C1QTNF3: variants seen among roughly 807,000 people sequenced by gnomAD.
The protein encoded by C1QTNF3 is complement C1q tumor necrosis factor-related protein 3.
In C1QTNF3, 26 loss-of-function variants were observed where a neutral mutation model predicts 32.6. The ratio of observed to expected loss-of-function variants is 0.80; its 90% confidence interval spans 0.58 to 1.11. The LOEUF is 1.11. Among genes scored for constraint, C1QTNF3 ranks in the 50% least tolerant of loss-of-function variants. The pLI is 0.00. For missense variants in C1QTNF3, 362 were observed against 398.2 expected (o/e 0.91, Z 0.77); for synonymous variants, 155 against 146.0 (o/e 1.06, Z -0.44).
chr5:34,216,637 G>A, the C1QTNF3 span, among the ~76,000 whole-genome samples: 7 of 152,246 alleles, frequency 4.6e-5, no homozygotes, highest in East Asian at 1.9e-4. Flanking sequence ...GAGGAGGTCC[G>A]TCTTGTTCAC....
the C1QTNF3 span, among the ~76,000 whole-genome samples, chr5:34,066,337 C>A: frequency 1.3e-5 from 2 of 152,182 alleles, no homozygotes; most frequent in African/African-American, 4.8e-5. Flanking sequence ...CCTTACCCTG[C>A]TCATGCCTGA....
the C1QTNF3 span, among the ~76,000 whole-genome samples, chr5:34,105,295 T>G: frequency 6.6e-6 from 1 of 152,144 alleles, no homozygotes; most frequent in Admixed American, 6.5e-5. Flanking sequence ...TATATGAGGA[T>G]AGAGCAATGC....
At chr5:34,081,127 G>T in the C1QTNF3 span, among the ~76,000 whole-genome samples, 8 of 151,724 alleles carry the variant, frequency 5.3e-5, no homozygotes, top group African/African-American at 1.9e-4. Flanking sequence ...TGGTAAAAAC[G>T]CTCTGTGATT....
chr5:34,170,215 C>T, the C1QTNF3 span, among the ~76,000 whole-genome samples: 3 of 152,066 alleles, frequency 2.0e-5, no homozygotes, highest in East Asian at 3.8e-4. Context: ...TCCACTTATA[C>T]GAGGTATCTG....
chr5:34,129,419 G>T, the C1QTNF3 span, among the ~76,000 whole-genome samples: 1 of 152,184 alleles, frequency 6.6e-6, no homozygotes, highest in Admixed American at 6.5e-5. Context: ...AGTTACCAGA[G>T]ATTTAGGAGT....
rs772976267 is a variant in C1QTNF3 at position 34,033,357 on chromosome 5, GC to G, written c.516del (p.Gln173SerfsTer52). The G allele has an allele frequency of 1.9e-6, 3 of 1,613,686 alleles. No homozygotes were observed. Among genetic ancestry groups the G allele is most frequent in the South Asian group, 2.2e-5 (2 of 91,034 alleles). On this transcript the variant is annotated frameshift_variant, in exon 3 of 6. Coordinates refer to ENST00000382065, the MANE Select transcript of C1QTNF3 (RefSeq NM_181435.6). LOFTEE classifies it high-confidence loss of function. ...CCCTTCTCTCCTTTGGGGCCATGCT[GC>G]CCCCGCTCCCCTCGAGGCCCCAGGT... is the stretch of plus-strand genomic sequence containing the variant. ...KGDLGPRGER[G>X]QHGPKGEKGY...
chr5:34,176,773 C>T, the C1QTNF3 span, among the ~76,000 whole-genome samples: 43 of 152,136 alleles, frequency 2.8e-4, no homozygotes, highest in African/African-American at 9.9e-4. Context: ...GGGAGGACTG[C>T]TTCAGTCCCG....
the C1QTNF3 span, among the ~76,000 whole-genome samples, chr5:34,211,393 C>A: frequency 6.6e-6 from 1 of 151,752 alleles, no homozygotes; most frequent in Non-Finnish European, 1.5e-5. Context: ...TGTGTGTATA[C>A]CCCCTTTTTT....
At chr5:34,131,077 C>T in the C1QTNF3 span, among the ~76,000 whole-genome samples, 1 of 152,200 alleles carries the variant, frequency 6.6e-6, no homozygotes, top group Non-Finnish European at 1.5e-5. Context: ...TATTTTATTA[C>T]ATATAAAAAT....
At chr5:34,195,544 C>G in the C1QTNF3 span, among the ~76,000 whole-genome samples, 3 of 151,962 alleles carry the variant, frequency 2.0e-5, no homozygotes, top group Non-Finnish European at 4.4e-5. Flanking sequence ...TGTGTTCCCT[C>G]AAAATTCATA....
At chr5:34,159,744 T>A in the C1QTNF3 span, among the ~76,000 whole-genome samples, 3 of 151,942 alleles carry the variant, frequency 2.0e-5, no homozygotes, top group Admixed American at 6.6e-5. Flanking sequence ...AATTTGTCCC[T>A]GTACTACTCC....
the C1QTNF3 span, among the ~76,000 whole-genome samples, chr5:34,072,322 T>C: frequency 7.1e-6 from 1 of 139,872 alleles, no homozygotes; most frequent in Admixed American, 7.3e-5. Context: ...TCTGTAAGAG[T>C]TCCTTGCAAA....
chr5:34,201,810 T>A, the C1QTNF3 span, among the ~76,000 whole-genome samples: 2 of 152,200 alleles, frequency 1.3e-5, no homozygotes, highest in African/African-American at 4.8e-5. Flanking sequence ...ATTTCATACA[T>A]ATACAATAGG....
the C1QTNF3 span, among the ~76,000 whole-genome samples, chr5:34,139,921 A>G: frequency 6.6e-6 from 1 of 152,224 alleles, no homozygotes; most frequent in African/African-American, 2.4e-5. Flanking sequence ...GCTAAACTGG[A>G]CACCACAGAC....
chr5:34,032,867 G>A (rs1309369083), intron 3 of C1QTNF3, among the ~76,000 whole-genome samples: 1 of 152,004 alleles, frequency 6.6e-6, no homozygotes, highest in Non-Finnish European at 1.5e-5. Context: ...TTTATGTATG[G>A]ATTAGTATAT....
At chr5:34,180,517 T>C in the C1QTNF3 span, among the ~76,000 whole-genome samples, 26 of 152,292 alleles carry the variant, frequency 1.7e-4, no homozygotes, top group African/African-American at 6.0e-4. Flanking sequence ...ACCCTGACTC[T>C]GAAAAACAAA....
chr5:34,056,479 T>TATATAGAG, the C1QTNF3 span, among the ~76,000 whole-genome samples: 40 of 51,774 alleles, frequency 7.7e-4, no homozygotes, highest in African/African-American at 1.2e-3. Context: ...TATATATATA[T>TATATAGAG]AGAGAGAGAG....
chr5:34,106,252 TGAGA>T, the C1QTNF3 span: 6 of 151,438 alleles, frequency 4.0e-5, no homozygotes, highest in African/African-American at 9.8e-5. Context: ...AAAAAAAACT[TGAGA>T]GAAATTGCAC....
the C1QTNF3 span, among the ~76,000 whole-genome samples, chr5:34,196,108 G>A: frequency 6.6e-6 from 1 of 152,312 alleles, no homozygotes; most frequent in South Asian, 2.1e-4. Flanking sequence ...TGCACTTCCA[G>A]TCTCCACAAC....
Sources: gnomAD v4.1 joint callset for allele counts (sites outside exome capture counted in the v4.1 genomes callset) on GRCh38, gnomAD v4.1.1 for gene constraint, MANE v1.5 for transcripts, NCBI Gene and HGNC (gene_info 2026-07-23, HGNC 2026-07-21) for gene names.